KANK1: variants seen among roughly 807,000 people sequenced by gnomAD.
The protein encoded by KANK1 is KN motif and ankyrin repeat domains 1.
Under a neutral mutation model 106.2 loss-of-function variants are expected in KANK1, and 109 were observed. The ratio of observed to expected loss-of-function variants is 1.03; its 90% CI spans 0.88 to 1.20. KANK1 has a LOEUF of 1.20. Among genes scored for constraint, KANK1 ranks in the 50% most tolerant of loss-of-function variants. The pLI, the probability that KANK1 is intolerant of heterozygous loss-of-function variation, is 0.00. For synonymous variants in KANK1, 873 were observed against 652.2 expected (o/e 1.34, Z -5.16); for missense variants, 2,399 against 1,710.7 (o/e 1.40, Z -7.10).
At chr9:493,056 C>A (rs2058403567) in intron 3 of KANK1, among the ~76,000 whole-genome samples, 1 of 150,746 alleles carries the variant, frequency 6.6e-6, no homozygotes, top group East Asian at 1.9e-4. Flanking sequence ...GAAAAGAAAA[C>A]CAGCTGTGGC....
chr9:483,953 G>C (rs12346203), intron 3 of KANK1, among the ~76,000 whole-genome samples: 16,020 of 152,168 alleles, frequency 0.11, 2,836 homozygotes, highest in African/African-American at 0.36. Context: ...CCATAAAAGG[G>C]CTTAAAGTTC....
chr9:737,670 A>AGTT (rs1834165811), intron 7 of KANK1, among the ~76,000 whole-genome samples: 1 of 152,138 alleles, frequency 6.6e-6, no homozygotes, highest in Admixed American at 6.5e-5. Flanking sequence ...GTGGTTGAAC[A>AGTT]GTTGTATTTG....
Position 744,588 on chromosome 9 carries a change from C to T in KANK1, c.3995C>T (p.Pro1332Leu), listed in dbSNP as rs143775530. The T allele has an allele frequency of 5.0e-4, 801 of 1,614,086 alleles. No homozygotes were observed. Among genetic ancestry groups the T allele is most frequent in the Admixed American group, 6.3e-4 (38 of 60,016 alleles). ...AHVNFAKAQSPGTPRLGRKTS... is the reference protein window; with the variant it reads ...AHVNFAKAQSLGTPRLGRKTS... ...GTCAACTTTGCAAAAGCCCAGTCTC[C>T]GGTCAGTGTTGTGCATTTGGCATTT... Residue 1332 changes from proline to leucine, a missense_variant and splice_region_variant, in exon 11 of 12, where the codon CCG (proline) becomes CTG (leucine). Coordinates refer to ENST00000382297, the MANE Select transcript of KANK1 (RefSeq NM_015158.5).
chr9:686,888 T>G, intron 2 of KANK1: 1 of 985,234 alleles, frequency 1.0e-6, no homozygotes, highest in Non-Finnish European at 1.2e-6. Flanking sequence ...TGATTGTAAA[T>G]GAAGAATCCT....
chr9:730,236 G>C lies in KANK1; in HGVS notation c.2884G>C (p.Ala962Pro). The C allele has an allele frequency of 6.2e-7, 1 of 1,614,144 alleles. No homozygotes were observed. Among genetic ancestry groups the C allele is most frequent in the Non-Finnish European group, 8.5e-7 (1 of 1,180,002 alleles). Residue 962 changes from alanine (A) to proline (P), a missense_variant, in exon 4 of 12, where the codon GCT becomes CCT. Coordinates refer to ENST00000382297, the MANE Select transcript of KANK1 (RefSeq NM_015158.5). ...PVNLTDDQIA[A>P]GLYACTNNES... Reference sequence around the variant, plus strand: ...GAACCTGACAGACGACCAGATCGCCGCTGGCCTCTATGGTAACTTTTCTCA... The same window carrying C: ...GAACCTGACAGACGACCAGATCGCCCCTGGCCTCTATGGTAACTTTTCTCA...
At chr9:518,781 T>C (rs1188761778) in intron 1 of KANK1, among the ~76,000 whole-genome samples, 2 of 151,298 alleles carry the variant, frequency 1.3e-5, no homozygotes, top group African/African-American at 2.4e-5. Flanking sequence ...ACAAGAGAGG[T>C]GGAACTCTGG....
intron 1 of KANK1, among the ~76,000 whole-genome samples, chr9:609,439 C>A (rs1289211623): frequency 1.3e-5 from 2 of 152,044 alleles, no homozygotes; most frequent in African/African-American, 4.8e-5. Context: ...ACCAGCCTGG[C>A]CAACATGGTG....
At chr9:478,375 A>G (rs1299197422) in intron 3 of KANK1, 2 of 152,534 alleles carry the variant, frequency 1.3e-5, no homozygotes, top group Non-Finnish European at 2.9e-5. Flanking sequence ...AAAAAATTTC[A>G]ATAAAGGATC....
At chr9:578,252 C>T (rs148259475) in intron 1 of KANK1, among the ~76,000 whole-genome samples, 7 of 152,252 alleles carry the variant, frequency 4.6e-5, no homozygotes, top group South Asian at 4.1e-4. Flanking sequence ...AGGAAACATT[C>T]TTCTTGCTTT....
intron 1 of KANK1, among the ~76,000 whole-genome samples, chr9:650,096 A>T (rs1840553738): frequency 6.6e-6 from 1 of 152,188 alleles, no homozygotes; most frequent in Non-Finnish European, 1.5e-5. Flanking sequence ...AAATTTGTAT[A>T]AAGGTGGAGG....
rs1191753128 is a variant in KANK1, at chr9:711,225, T to C, written c.459T>C (p.His153=). 3 of 1,614,012 alleles carry C rather than the reference T, an allele frequency of 1.9e-6. No individual in the cohort carries two copies. Among genetic ancestry groups the C allele is most frequent in the Non-Finnish European group, 2.5e-6 (3 of 1,180,034 alleles). ...PSPQLPKHNL[H]VTKTLMETRR... ...CACAACTCCCAAAGCATAACCTTCA[T>C]GTCACCAAGACACTGATGGAGACCC... is the stretch of plus-strand genomic sequence containing the variant. Residue 153 remains histidine (H), a synonymous_variant, in exon 3 of 12, where the codon CAT becomes CAC. Coordinates refer to ENST00000382297, the MANE Select transcript of KANK1 (RefSeq NM_015158.5).
rs550641108 is a variant in KANK1, at chr9:740,881, C to T, written c.3643C>T (p.Arg1215Trp). 37 of 1,614,012 alleles carry T rather than the reference C, an allele frequency of 2.3e-5. 1 individual carries two copies. In the African/African-American group the frequency reaches 3.2e-4, roughly 14 times the overall value. The change falls in exon 9 of 12, where the codon CGG becomes TGG. Residue 1215 changes from arginine (R) to tryptophan (W), a missense_variant. Coordinates refer to ENST00000382297, the MANE Select transcript of KANK1 (RefSeq NM_015158.5). The stretch of plus-strand genomic sequence containing the variant: ...CGCTGTGGAAGCAGAGAAGGACATG[C>T]GGATTGTGGAAGAACTCTTCGGCTG... ...LAAVEAEKDM[R>W]IVEELFGCGD...
chr9:623,874 T>A (rs368303238), intron 1 of KANK1, among the ~76,000 whole-genome samples: 1 of 152,184 alleles, frequency 6.6e-6, no homozygotes, highest in Non-Finnish European at 1.5e-5. Flanking sequence ...GTCCCACTTG[T>A]GGATATATGT....
intron 1 of KANK1, among the ~76,000 whole-genome samples, chr9:585,257 C>T (rs139396082): frequency 9.7e-4 from 147 of 152,262 alleles, no homozygotes; most frequent in African/African-American, 3.1e-3. Flanking sequence ...CATCTTTGCC[C>T]GCTGTGCATC....
intron 2 of KANK1, chr9:693,326 C>T (rs1198312271): frequency 2.1e-6 from 2 of 931,890 alleles, no homozygotes; most frequent in Non-Finnish European, 1.3e-6. Context: ...CAAATTGTAA[C>T]AGAGAGCCTT....
chr9:565,012 TG>T (rs1817469239), intron 1 of KANK1, among the ~76,000 whole-genome samples: 6 of 152,312 alleles, frequency 3.9e-5, no homozygotes, highest in African/African-American at 1.2e-4. Context: ...GAGGCTGGAA[TG>T]GTGACTGCTT....
At chr9:581,643 T>C (rs1381270076) in intron 1 of KANK1, among the ~76,000 whole-genome samples, 1 of 152,212 alleles carries the variant, frequency 6.6e-6, no homozygotes, top group Non-Finnish European at 1.5e-5. Context: ...ACTTTAAGCT[T>C]CTACTGCTTT....
intron 1 of KANK1, among the ~76,000 whole-genome samples, chr9:521,757 G>A (rs1211906454): frequency 6.6e-6 from 1 of 151,256 alleles, no homozygotes; most frequent in African/African-American, 2.5e-5. Flanking sequence ...TGGTAGAGAT[G>A]GGGTTTCACC....
intron 1 of KANK1, among the ~76,000 whole-genome samples, chr9:515,846 T>G (rs950331938): frequency 1.3e-5 from 2 of 151,828 alleles, no homozygotes; most frequent in African/African-American, 2.4e-5. Context: ...TCTTAGCAAA[T>G]GAAATGCATA....
Sources: gnomAD v4.1 joint callset for allele counts (sites outside exome capture counted in the v4.1 genomes callset) on GRCh38, gnomAD v4.1.1 for gene constraint, MANE v1.5 for transcripts, NCBI Gene and HGNC (gene_info 2026-07-23, HGNC 2026-07-21) for gene names.